The following IL16 variants were observed in gnomAD, a reference collection of about 807,000 sequenced individuals.
The protein encoded by IL16 is pro-interleukin-16.
A neutral mutation model predicts 110.1 loss-of-function variants in IL16; 67 were observed. The observed-to-expected ratio is 0.61, with a 90% confidence interval of 0.50 to 0.75. The LOEUF is 0.75. Ranked by LOEUF, IL16 falls within the 30% of genes least tolerant of loss-of-function variation. The pLI, the probability that IL16 is intolerant of heterozygous loss-of-function variation, is 0.00. For missense variants in IL16, 1,545 were observed against 1,655.0 expected (o/e 0.93, Z 1.15); for synonymous variants, 689 against 662.9 (o/e 1.04, Z -0.61).
At chr15:81,292,084 C>A in intron 11 of IL16, 1 of 407,322 alleles carries the variant, frequency 2.5e-6, no homozygotes, top group South Asian at 1.7e-5. Flanking sequence ...TTCAGCCAAG[C>A]CCTGGAGCTC....
At chr15:81,306,254 T>C (rs1900552368) in intron 17 of IL16, 88 bp downstream of exon 17, 1 of 1,540,604 alleles carries the variant, frequency 6.5e-7, no homozygotes, top group Non-Finnish European at 8.8e-7. Context: ...CTCAGTAATT[T>C]GTGACCCCAA....
intron 16 of IL16, 75 bp from the exon 17 acceptor site, chr15:81,305,833 G>C: frequency 6.4e-7 from 1 of 1,553,852 alleles, no homozygotes; most frequent in Non-Finnish European, 8.7e-7. Context: ...TGACTAACCG[G>C]TTCAATCCTC....
chr15:81,189,575 A>G (rs1895467997), intron 1 of IL16, among the ~76,000 whole-genome samples: 1 of 152,178 alleles, frequency 6.6e-6, no homozygotes, highest in Admixed American at 6.5e-5. Flanking sequence ...CTGATCCACT[A>G]CGACCAGTCA....
At chr15:81,222,371 AG>A (rs1046994123) in intron 1 of IL16, among the ~76,000 whole-genome samples, 1 of 128,484 alleles carries the variant, frequency 7.8e-6, no homozygotes, top group African/African-American at 3.0e-5. Flanking sequence ...CTATTCCAGG[AG>A]GGTTTTTTTT....
intron 1 of IL16, among the ~76,000 whole-genome samples, chr15:81,221,022 T>A (rs569432043): frequency 2.6e-5 from 4 of 151,914 alleles, no homozygotes; most frequent in East Asian, 1.9e-4. Context: ...TGATGATGAG[T>A]CAGTCCTGCC....
In IL16 at chr15:81,303,774, G is replaced by A. The variant is rs1900414484; in HGVS notation, c.3420+124G>A. The A allele has an allele frequency of 1.4e-6, 1 of 692,760 alleles. No individual in the cohort carries two copies. The highest frequency in any genetic ancestry group is 2.6e-6 in the Non-Finnish European group (1 of 382,118). 42.9% of individuals were successfully genotyped at this position (692,760 alleles called of 1,614,324 possible). ...AGAATGCATGACACTAGGCCACTGG[G>A]CAGGTCCTGTCCACTCAGCACATCC... On this transcript the variant is annotated intron_variant, in intron 16 of 18. Transcript: ENST00000683961. The surrounding 1 kb of genome is among the most constrained non-coding windows in gnomAD (Gnocchi z 4.1).
At chr15:81,203,532 C>G (rs1383466019) in intron 1 of IL16, among the ~76,000 whole-genome samples, 2 of 151,890 alleles carry the variant, frequency 1.3e-5, no homozygotes, top group Admixed American at 6.6e-5. Context: ...TTTCAGCTTT[C>G]TACATATGGC....
chr15:81,258,329 G>C (rs1020371832), intron 2 of IL16, among the ~76,000 whole-genome samples: 9 of 152,112 alleles, frequency 5.9e-5, no homozygotes, highest in Non-Finnish European at 4.4e-5. Context: ...ATGAGTCCAA[G>C]TATGTTGTTT....
chr15:81,308,249 A>G (rs557784528), intron 18 of IL16, among the ~76,000 whole-genome samples: 45 of 152,278 alleles, frequency 3.0e-4, no homozygotes, highest in African/African-American at 1.0e-3. Context: ...GGAGTAGGAT[A>G]TTGGGTCAGT....
intron 2 of IL16, among the ~76,000 whole-genome samples, chr15:81,228,841 G>C (rs115791523): frequency 6.6e-4 from 101 of 152,252 alleles, no homozygotes; most frequent in African/African-American, 2.3e-3. Flanking sequence ...TCTGCCTTTC[G>C]CAGTTACTAG....
chr15:81,303,756 A>G lies in IL16; in HGVS notation c.3420+106A>G, dbSNP rs1304523317. On this transcript the variant is annotated intron_variant, in intron 16 of 18. Coordinates refer to ENST00000683961, the MANE Select transcript of IL16 (RefSeq NM_172217.5). The surrounding 1 kb of genome is among the most constrained non-coding windows in gnomAD (Gnocchi z 4.1). ...CCTGTGCTGGGGAAATGAAGAATGC[A>G]TGACACTAGGCCACTGGGCAGGTCC... 2.6e-6 allele frequency: 2 copies of G among 765,096 alleles called. No homozygotes were observed. Among genetic ancestry groups the G allele is most frequent in the African/African-American group, 3.4e-5 (2 of 59,330 alleles). The allele number at this position is 765,096 out of a possible 1,614,324, so 47.4% of individuals were successfully genotyped here. A position where few individuals can be genotyped will look rare whatever the true frequency, so the allele number is the denominator to read the frequency against.
chr15:81,301,397 A>T lies in IL16; in HGVS notation c.3203A>T (p.Asp1068Val), dbSNP rs202181184. 1.2e-4 allele frequency: 193 copies of T among 1,614,074 alleles called. No individual in the cohort carries two copies. The highest frequency in any genetic ancestry group is 5.8e-4 in the Admixed American group (35 of 59,998). The change falls in exon 15 of 19, where the codon GAT becomes GTT. Residue 1068 changes from aspartate (D) to valine (V), a missense_variant. Asp to Val is a radical substitution (Grantham distance 152). Coordinates refer to ENST00000683961, the MANE Select transcript of IL16 (RefSeq NM_172217.5). The stretch of plus-strand genomic sequence containing the variant: ...GGTCTCACGGAAGCCAAGGAAGACG[A>T]TGATGGGGACCACAGTTCCCTTCAG... ...TEGLTEAKED[D>V]DGDHSSLQSG...
At chr15:81,216,646 TAGC>T (rs6145652) in intron 1 of IL16, among the ~76,000 whole-genome samples, 12,821 of 151,326 alleles carry the variant, frequency 0.085, 556 homozygotes, top group Middle Eastern at 0.1. Flanking sequence ...CTGTCTGTCT[TAGC>T]AGCAGCAGCA....
intron 1 of IL16, among the ~76,000 whole-genome samples, chr15:81,207,569 T>A (rs781625143): frequency 1.4e-4 from 22 of 151,910 alleles, no homozygotes; most frequent in Non-Finnish European, 2.5e-4. Context: ...TCTGTTTATG[T>A]TACTATGTGG....
rs1170503085 is a variant in IL16 at position 81,292,714 on chromosome 15, A to T, written c.1579A>T (p.Ser527Cys). The T allele has an allele frequency of 1.2e-6, 2 of 1,614,136 alleles. No homozygotes were observed. The highest frequency in any genetic ancestry group is 1.7e-6 in the Non-Finnish European group (2 of 1,180,012). ...TGGGTCCCCAGGGGGAAGTCCTGGG[A>T]GTGGCAGTGCTGAGAAGCCGTCCTC... The part of the protein sequence containing the change: ...MSGSPGGSPG[S>C]GSAEKPSSDV... The change falls in exon 12 of 19, where the codon AGT becomes TGT. Residue 527 changes from serine (S) to cysteine (C), a missense_variant. Coordinates refer to ENST00000683961, the MANE Select transcript of IL16 (RefSeq NM_172217.5).
chr15:81,291,786 C>T (rs1899728324), intron 11 of IL16: 1 of 403,906 alleles, frequency 2.5e-6, no homozygotes, highest in Admixed American at 2.6e-5. Context: ...TTTCTGCCCT[C>T]ACCTCACCCT....
At chr15:81,258,276 G>A (rs1898020324) in intron 2 of IL16, among the ~76,000 whole-genome samples, 2 of 151,934 alleles carry the variant, frequency 1.3e-5, no homozygotes, top group Admixed American at 6.5e-5. Flanking sequence ...CTTAGATGAG[G>A]GAGAGTCATG....
Position 81,299,972 on chromosome 15 carries a change from G to GT in IL16, c.2650dup (p.Ser884PhefsTer18), listed in dbSNP as rs1329588670. On this transcript the variant is annotated frameshift_variant, in exon 14 of 19. Transcript: ENST00000683961. LOFTEE classifies it high-confidence loss of function. ...CTCTTGGGAAGCATGAGGAAGGACG[G>GT]TTTTCTGGACTCTTGGGGCGAGGGG... 2 of 1,607,214 alleles carry GT rather than the reference G, an allele frequency of 1.2e-6. No homozygotes were observed. The highest frequency in any genetic ancestry group is 1.3e-5 in the African/African-American group (1 of 74,804).
At chr15:81,230,258 AG>A (rs1451979342) in intron 2 of IL16, among the ~76,000 whole-genome samples, 1 of 152,218 alleles carries the variant, frequency 6.6e-6, no homozygotes, top group African/African-American at 2.4e-5. Context: ...GAAGGAATAC[AG>A]GGACTTACTG....
Sources: gnomAD v4.1 joint callset for allele counts (sites outside exome capture counted in the v4.1 genomes callset) on GRCh38, gnomAD v4.1.1 for gene constraint, Gnocchi (gnomAD v3.1) non-coding constraint, MANE v1.5 for transcripts, NCBI Gene and HGNC (gene_info 2026-07-23, HGNC 2026-07-21) for gene names.